MGAM2: variants seen among roughly 807,000 people sequenced by gnomAD.
The protein encoded by MGAM2 is probable maltase-glucoamylase 2.
Under a neutral mutation model 96.1 loss-of-function variants are expected in MGAM2, and 98 were observed. That is an observed-to-expected ratio of 1.02 (90% confidence interval 0.87 to 1.21). MGAM2 has a LOEUF of 1.21. Ranked by LOEUF, MGAM2 falls within the 50% of genes most tolerant of loss-of-function variation. The pLI is 0.00. For synonymous variants in MGAM2, 749 were observed against 414.8 expected (o/e 1.81, Z -9.79); for missense variants, 2,055 against 1,182.4 (o/e 1.74, Z -10.82).
rs577693288 is a variant in MGAM2 at position 142,198,176 on chromosome 7, G to A, written c.4904G>A (p.Arg1635His). 3.8e-5 allele frequency: 27 copies of A among 702,878 alleles called. No individual in the cohort carries two copies. The highest frequency in any genetic ancestry group is 1.2e-4 in the African/African-American group (7 of 57,238). The allele number at this position is 702,878 out of a possible 1,614,324, so 43.5% of individuals were successfully genotyped here. Residue 1635 changes from arginine to histidine, a missense_variant, in exon 43 of 48, where the codon CGT becomes CAT. Arg to His is a conservative substitution (Grantham distance 29). Transcript: ENST00000477922. The part of the protein sequence containing the change: ...FEISAYFPRA[R>H]WYDYSTGTSS... ...ATCTCTGCTTATTTTCCGAGAGCCC[G>A]TTGGTATGACTATAGCACGGTAAGA...
chr7:142,179,797 C>T (rs1054310626), intron 32 of MGAM2, among the ~76,000 whole-genome samples: 1 of 152,094 alleles, frequency 6.6e-6, no homozygotes, highest in African/African-American at 2.4e-5. Flanking sequence ...CATCTATGTT[C>T]ATCAGGGATA....
intron 24 of MGAM2, among the ~76,000 whole-genome samples, chr7:142,165,874 T>C (rs144680045): frequency 1.3e-5 from 2 of 152,344 alleles, no homozygotes; most frequent in African/African-American, 4.8e-5. Flanking sequence ...GCCTGTGATC[T>C]GCACTCATTA....
chr7:142,173,359 G>C lies in MGAM2; in HGVS notation c.3687+5G>C, dbSNP rs1437865200. 2 of 702,562 alleles carry C rather than the reference G, an allele frequency of 2.8e-6. No individual in the cohort carries two copies. The highest frequency in any genetic ancestry group is 3.5e-5 in the African/African-American group (2 of 57,232). The allele number at this position is 702,562 out of a possible 1,614,324, so 43.5% of individuals were successfully genotyped here. A position where few individuals can be genotyped will look rare whatever the true frequency, so the allele number is the denominator to read the frequency against. On this transcript the variant is annotated splice_donor_5th_base_variant and intron_variant, in intron 31 of 47. Transcript: ENST00000477922. ...GTGGCAGCCCAGATTCCCTATGTAT[G>C]AAACCCTCACTCAGCCCAAGGTGTA...
At chr7:142,209,493 T>C (rs1232683923) in intron 46 of MGAM2, among the ~76,000 whole-genome samples, 2 of 152,224 alleles carry the variant, frequency 1.3e-5, no homozygotes, top group South Asian at 4.1e-4. Context: ...ATAATTTTAA[T>C]TAGAGTATGA....
intron 32 of MGAM2, among the ~76,000 whole-genome samples, chr7:142,178,882 A>G (rs1349181082): frequency 2.0e-5 from 3 of 152,042 alleles, no homozygotes; most frequent in Non-Finnish European, 4.4e-5. Flanking sequence ...AATGATGTTA[A>G]TTCTTCCAGT....
intron 25 of MGAM2, 49 bp from the exon 26 acceptor site, chr7:142,167,219 C>T (rs1301805586): frequency 3.1e-6 from 2 of 640,970 alleles, no homozygotes; most frequent in Admixed American, 2.3e-5. Context: ...GTAATGAGAG[C>T]CTTAGTGTTG....
chr7:142,167,594 A>G (rs1157210188), intron 26 of MGAM2, 108 bp downstream of exon 26: 4 of 643,850 alleles, frequency 6.2e-6, no homozygotes, highest in Non-Finnish European at 1.1e-5. Flanking sequence ...TCTTTTCAAG[A>G]CAGGATCTCC....
Position 142,143,800 on chromosome 7 carries a change from A to G in MGAM2, c.1349A>G (p.Tyr450Cys). The change falls in exon 13 of 48, where the codon TAT becomes TGT. Residue 450 changes from tyrosine (Y) to cysteine (C), a missense_variant. Transcript: ENST00000477922. ...GYPGPTVFPD[Y>C]TNPVCTEWWT... ...CCGGGACCGACAGTCTTTCCCGATT[A>G]TACCAATCCAGTATGCACTGAGTGG... The G allele has an allele frequency of 1.4e-6, 1 of 690,754 alleles. No homozygotes were observed. Among genetic ancestry groups the G allele is most frequent in the Non-Finnish European group, 2.6e-6 (1 of 377,576 alleles). 42.8% of individuals were successfully genotyped at this position (690,754 alleles called of 1,614,324 possible). A position where few individuals can be genotyped will look rare whatever the true frequency, so the allele number is the denominator to read the frequency against.
At chr7:142,196,308 G>A (rs537113686) in intron 38 of MGAM2, 21 bp downstream of exon 38, 1 of 717,256 alleles carries the variant, frequency 1.4e-6, no homozygotes, top group East Asian at 2.7e-5. Flanking sequence ...TCATTCCCAG[G>A]GGCCTGTGCT....
rs1795471907 is a variant in MGAM2 at position 142,148,989 on chromosome 7, G to A, written c.1634+1416G>A. On this transcript the variant is annotated intron_variant, in intron 15 of 47. Coordinates refer to ENST00000477922, the MANE Select transcript of MGAM2 (RefSeq NM_001293626.2). The surrounding 1 kb of genome is among the most constrained non-coding windows in gnomAD (Gnocchi z 4.2). ...CGTCTGTAATCCAAGCACTTTGGGA[G>A]GCTGAGGTGGGCAGATCACCTGAGT... Among the ~76,000 whole-genome samples, 1 of 152,086 alleles carries A rather than the reference G, an allele frequency of 6.6e-6. No homozygotes were observed. Among genetic ancestry groups the A allele is most frequent in the Non-Finnish European group, 1.5e-5 (1 of 68,006 alleles).
At chr7:142,149,752 AG>A (rs778696846) in intron 15 of MGAM2, among the ~76,000 whole-genome samples, 60 of 151,864 alleles carry the variant, frequency 4.0e-4, no homozygotes, top group Non-Finnish European at 7.7e-4. Context: ...AGCGTTAGCC[AG>A]GATGGTCTCC....
intron 23 of MGAM2, among the ~76,000 whole-genome samples, chr7:142,164,342 T>C (rs2129087635): frequency 6.6e-6 from 1 of 152,348 alleles, no homozygotes; most frequent in East Asian, 1.9e-4. Flanking sequence ...AGGGTAATTA[T>C]AGCTTCAACC....
At position 142,171,264 on chromosome 7, in the gene MGAM2, T is replaced by C. The variant is rs1796175374; in HGVS notation, c.3183-8T>C. 2 of 702,476 alleles carry C rather than the reference T, an allele frequency of 2.8e-6. No homozygotes were observed. The highest frequency in any genetic ancestry group is 2.3e-4 in the Middle Eastern group (1 of 4,362). The allele number at this position is 702,476 out of a possible 1,614,324, so 43.5% of individuals were successfully genotyped here. On this transcript the variant is annotated splice_polypyrimidine_tract_variant and splice_region_variant and intron_variant, in intron 27 of 47. Transcript: ENST00000477922. ...TCCAGCTCAGCGTGATCTGCTTTTG[T>C]GTTGCAGTTGGGATTCTCAACTCCC...
At position 142,141,103 on chromosome 7, in the gene MGAM2, G is replaced by A. The variant is rs1231228185; in HGVS notation, c.1301G>A (p.Gly434Asp). Residue 434 changes from glycine (G) to aspartate (D), a missense_variant, in exon 12 of 48, where the codon GGC becomes GAC. By Grantham distance (94) the Gly-to-Asp change is moderately conservative (BLOSUM62 -1). Transcript: ENST00000477922. ...LKRVWILGSN[G>D]FAVGEGYPGP... is the part of the protein sequence containing the mutation. ...AGAGTGTGGATCTTGGGGAGCAATG[G>A]CTTTGCTGTTGGGGAGGTAATTTCT... 1 of 683,870 alleles carries A rather than the reference G, an allele frequency of 1.5e-6. No individual in the cohort carries two copies. The highest frequency in any genetic ancestry group is 2.7e-6 in the Non-Finnish European group (1 of 376,762). The allele number at this position is 683,870 out of a possible 1,614,324, so 42.4% of individuals were successfully genotyped here.
At chr7:142,192,816 T>C (rs796502112) in intron 37 of MGAM2, among the ~76,000 whole-genome samples, 4 of 152,336 alleles carry the variant, frequency 2.6e-5, no homozygotes, top group African/African-American at 9.6e-5. Flanking sequence ...AATTATTTTT[T>C]ATCTTCTTCC....
intron 23 of MGAM2, among the ~76,000 whole-genome samples, chr7:142,163,809 T>C (rs1301879808): frequency 6.6e-6 from 1 of 152,198 alleles, no homozygotes; most frequent in Non-Finnish European, 1.5e-5. Flanking sequence ...TACAGCTCAT[T>C]GTGTTTTTAA....
At chr7:142,157,081 G>A (rs1185405856) in intron 17 of MGAM2, among the ~76,000 whole-genome samples, 2 of 152,122 alleles carry the variant, frequency 1.3e-5, no homozygotes, top group Non-Finnish European at 2.9e-5. Flanking sequence ...TAAAACAAAT[G>A]TTGATGGTGG....
At chr7:142,164,005 A>T (rs989133908) in intron 23 of MGAM2, among the ~76,000 whole-genome samples, 2 of 152,098 alleles carry the variant, frequency 1.3e-5, no homozygotes, top group African/African-American at 2.4e-5. Context: ...TCTCCCATTT[A>T]AAAAAATATA....
Position 142,167,626 on chromosome 7 carries a change from G to T in MGAM2, c.3027+140G>T, listed in dbSNP as rs572949588. 2.9e-5 allele frequency: 18 copies of T among 623,232 alleles called. No homozygotes were observed. In the African/African-American group the frequency reaches 3.3e-4, roughly 11 times the overall value. 38.6% of individuals were successfully genotyped at this position (623,232 alleles called of 1,614,324 possible). A position where few individuals can be genotyped will look rare whatever the true frequency, so the allele number is the denominator to read the frequency against. Reference sequence around the variant, plus strand: ...CTCCCACTGACACCCAGGCTGGAATGCAGGGGCACAATCTCAGGTCACTGT... The same window carrying T: ...CTCCCACTGACACCCAGGCTGGAATTCAGGGGCACAATCTCAGGTCACTGT... On this transcript the variant is annotated intron_variant, in intron 26 of 47. Coordinates refer to ENST00000477922, the MANE Select transcript of MGAM2 (RefSeq NM_001293626.2).
Sources: allele counts gnomAD v4.1 joint callset (sites outside exome capture counted in the v4.1 genomes callset), GRCh38; gene constraint gnomAD v4.1.1; non-coding constraint Gnocchi (gnomAD v3.1); transcripts MANE v1.5; gene names NCBI Gene and HGNC (gene_info 2026-07-23, HGNC 2026-07-21).